The following NRXN1 variants were observed in gnomAD, a reference collection of about 807,000 sequenced individuals.
NRXN1 encodes the protein neurexin 1, also known as neurexin-1.
A neutral mutation model predicts 150.9 loss-of-function variants in NRXN1; 39 were observed. That is an observed-to-expected ratio of 0.26 (90% CI 0.20 to 0.34). The LOEUF is 0.34. NRXN1 is among the 10% of genes least tolerant of loss of function. The pLI is 1.00. For missense variants in NRXN1, 1,815 were observed against 1,949.9 expected (o/e 0.93, Z 1.30); for synonymous variants, 924 against 757.0 (o/e 1.22, Z -3.62).
intron 2 of NRXN1, among the ~76,000 whole-genome samples, chr2:50,934,582 T>C (rs1178762569): frequency 2.0e-5 from 3 of 152,180 alleles, no homozygotes; most frequent in Admixed American, 6.6e-5. Flanking sequence ...ACAGCACAAA[T>C]TGTGAAGCTT....
At chr2:50,578,646 T>C (rs188086555) in intron 8 of NRXN1, among the ~76,000 whole-genome samples, 11 of 152,292 alleles carry the variant, frequency 7.2e-5, no homozygotes, top group Middle Eastern at 3.4e-3. Context: ...TATCATTTTA[T>C]CACATGTATA....
intron 12 of NRXN1, among the ~76,000 whole-genome samples, chr2:50,518,649 A>AT (rs67888475): frequency 0.86 from 129,991 of 151,618 alleles, 55,964 homozygotes; most frequent in African/African-American, 0.91. Context: ...TCACAAATGC[A>AT]TTTTTTTAAA....
intron 17 of NRXN1, among the ~76,000 whole-genome samples, chr2:50,258,682 A>T (rs2067958003): frequency 6.6e-6 from 1 of 152,022 alleles, no homozygotes; most frequent in South Asian, 2.1e-4. Context: ...AAGGTTTTCA[A>T]TGTACTTTGT....
chr2:50,618,959 T>C (rs545637292), intron 8 of NRXN1: 3 of 152,122 alleles, frequency 2.0e-5, no homozygotes, highest in South Asian at 4.2e-4. Flanking sequence ...GTTAAAACTA[T>C]TGCACCTTTA....
chr2:50,195,519 G>T (rs1214834797), intron 18 of NRXN1, among the ~76,000 whole-genome samples: 1 of 152,038 alleles, frequency 6.6e-6, no homozygotes, highest in Non-Finnish European at 1.5e-5. Flanking sequence ...ACAGTGCTTT[G>T]CTTAGATAAT....
At chr2:50,508,855 T>G in intron 12 of NRXN1, among the ~76,000 whole-genome samples, 1 of 152,180 alleles carries the variant, frequency 6.6e-6, no homozygotes, top group East Asian at 1.9e-4. Context: ...AACAGATTGA[T>G]TTTAGAAGAT....
intron 17 of NRXN1, chr2:50,312,639 TGTTTTGG>T: frequency 2.2e-6 from 1 of 464,336 alleles, no homozygotes. Context: ...ACCTGAGGTA[TGTTTTGG>T]AAGTAGGGGA....
At chr2:50,902,535 T>C (rs538686647) in intron 5 of NRXN1, among the ~76,000 whole-genome samples, 3 of 152,320 alleles carry the variant, frequency 2.0e-5, no homozygotes, top group African/African-American at 7.2e-5. Flanking sequence ...TAATTTTGTT[T>C]TCTAATTCAA....
chr2:50,648,244 C>T (rs1159441257), intron 5 of NRXN1, among the ~76,000 whole-genome samples: 2 of 151,954 alleles, frequency 1.3e-5, no homozygotes, highest in Non-Finnish European at 1.5e-5. Context: ...TCACATAACA[C>T]TGTATTTTTT....
intron 2 of NRXN1, among the ~76,000 whole-genome samples, chr2:50,948,518 G>A (rs1026342937): frequency 3.3e-5 from 5 of 151,958 alleles, no homozygotes; most frequent in South Asian, 4.1e-4. Context: ...TGCCAAAATC[G>A]TTTGCTCCTT....
intron 5 of NRXN1, among the ~76,000 whole-genome samples, chr2:50,853,785 T>C (rs994117536): frequency 1.3e-5 from 2 of 152,118 alleles, no homozygotes; most frequent in African/African-American, 4.8e-5. Context: ...TACTTGTCAC[T>C]GTTATTTTCT....
At chr2:50,787,599 A>G (rs894524488) in intron 5 of NRXN1, among the ~76,000 whole-genome samples, 3 of 151,824 alleles carry the variant, frequency 2.0e-5, no homozygotes, top group Non-Finnish European at 2.9e-5. Flanking sequence ...CAACAACAAC[A>G]ACAACAAAAA....
In NRXN1 at chr2:50,495,966, T is replaced by A. The variant is rs781048514; in HGVS notation, c.3009A>T (p.Val1003=). 1.2e-6 allele frequency: 2 copies of A among 1,612,626 alleles called. No homozygotes were observed. Among genetic ancestry groups the A allele is most frequent in the Non-Finnish European group, 1.7e-6 (2 of 1,179,436 alleles). The change falls in exon 15 of 23, where the codon GTA becomes GTT. Residue 1003 remains valine (V), a synonymous_variant. Transcript: ENST00000401669. The part of the protein sequence containing the change: ...ISRDTSNLHT[V]KIDTKITTQI... ...GCGTTGTGATTTTTGTGTCAATCTTTACAGTGTGGAGGTTGCTGGTGTCCC... is the reference window on the plus strand; with the variant it reads ...GCGTTGTGATTTTTGTGTCAATCTTAACAGTGTGGAGGTTGCTGGTGTCCC...
At chr2:50,059,368 C>T (rs1180964206) in intron 19 of NRXN1, among the ~76,000 whole-genome samples, 1 of 152,130 alleles carries the variant, frequency 6.6e-6, no homozygotes, top group Non-Finnish European at 1.5e-5. Flanking sequence ...GACTTGTGTG[C>T]TCTTAAAAGC....
chr2:50,358,705 TC>T (rs1488139829), intron 17 of NRXN1, among the ~76,000 whole-genome samples: 1 of 152,218 alleles, frequency 6.6e-6, no homozygotes, highest in Admixed American at 6.5e-5. Context: ...GAGCAGCAGA[TC>T]TTGCAGCACA....
chr2:50,842,945 G>T (rs918261727), intron 5 of NRXN1, among the ~76,000 whole-genome samples: 4 of 152,078 alleles, frequency 2.6e-5, no homozygotes, highest in Non-Finnish European at 5.9e-5. Context: ...ACTGTTAAAA[G>T]GATTTTATGC....
At position 50,651,416 on chromosome 2, in the gene NRXN1, C is replaced by T. The variant is rs371763620; in HGVS notation, c.833-27801G>A. ...TCACTTAAGCTCAGGAGCTCAAGAC[C>T]AGCCTGGGAAATATAGTGAGACCTC... is the stretch of plus-strand genomic sequence containing the variant. On this transcript the variant is annotated intron_variant, in intron 5 of 22. Coordinates refer to ENST00000401669, the MANE Select transcript of NRXN1 (RefSeq NM_001330078.2). Among the ~76,000 whole-genome samples the T allele has an allele frequency of 3.7e-4, 56 of 151,886 alleles. 1 individual carries two copies. Among genetic ancestry groups the T allele is most frequent in the African/African-American group, 1.3e-3 (55 of 41,408 alleles).
At chr2:50,552,017 T>C (rs1157334503) in intron 9 of NRXN1, among the ~76,000 whole-genome samples, 1 of 152,126 alleles carries the variant, frequency 6.6e-6, no homozygotes, top group Non-Finnish European at 1.5e-5. Context: ...GGAAGCAGAA[T>C]GTTTGCTGGT....
intron 5 of NRXN1, among the ~76,000 whole-genome samples, chr2:50,844,930 T>C (rs1673417045): frequency 6.6e-6 from 1 of 152,114 alleles, no homozygotes. Flanking sequence ...CACAGTTCAT[T>C]GCAGTCTCGA....
Sources: allele counts gnomAD v4.1 joint callset (sites outside exome capture counted in the v4.1 genomes callset), GRCh38; gene constraint gnomAD v4.1.1; transcripts MANE v1.5; gene names NCBI Gene and HGNC (gene_info 2026-07-23, HGNC 2026-07-21).